Variants in CERS6 observed in about 807,000 individuals in gnomAD.
The protein encoded by CERS6 is LAG1 homolog, ceramide synthase 6.
CERS6 carries 26 observed loss-of-function variants against 56.8 expected under a neutral mutation model. The ratio of observed to expected loss-of-function variants is 0.46; its 90% CI spans 0.34 to 0.63. The LOEUF is 0.63. Among genes scored for constraint, CERS6 ranks in the 30% least tolerant of loss-of-function variants. The pLI, the probability that CERS6 is intolerant of heterozygous loss-of-function variation, is 0.01. For missense variants in CERS6, 415 were observed against 467.5 expected, an observed-to-expected ratio of 0.89 and a Z score of 1.04; for synonymous variants, 164 against 173.3, an observed-to-expected ratio of 0.95 and a Z score of 0.42.
At chr2:168,736,924 C>G (rs986409129) in intron 8 of CERS6, among the ~76,000 whole-genome samples, 4 of 152,174 alleles carry the variant, frequency 2.6e-5, no homozygotes, top group Admixed American at 2.6e-4. Flanking sequence ...CTCTTAGGCT[C>G]TCTCGCCTCT....
At chr2:168,638,901 G>A (rs902982611) in intron 4 of CERS6, among the ~76,000 whole-genome samples, 1 of 152,142 alleles carries the variant, frequency 6.6e-6, no homozygotes, top group Admixed American at 6.5e-5. Flanking sequence ...AACTCCAAGA[G>A]CAAATGGTGG....
At chr2:168,695,399 A>C (rs1021943263) in intron 6 of CERS6, among the ~76,000 whole-genome samples, 1 of 152,110 alleles carries the variant, frequency 6.6e-6, no homozygotes, top group African/African-American at 2.4e-5. Flanking sequence ...GGAGAGAGTA[A>C]AGTCTCAGTG....
intron 3 of CERS6, among the ~76,000 whole-genome samples, chr2:168,626,308 C>CG (rs1684589659): frequency 6.6e-6 from 1 of 152,092 alleles, no homozygotes; most frequent in Non-Finnish European, 1.5e-5. Flanking sequence ...CCTGGTCTCC[C>CG]TAGAACATGT....
intron 8 of CERS6, among the ~76,000 whole-genome samples, chr2:168,745,787 G>A (rs997057334): frequency 6.6e-6 from 1 of 152,162 alleles, no homozygotes; most frequent in African/African-American, 2.4e-5. Context: ...GTCCTCCCCA[G>A]AATGTGGCGC....
intron 3 of CERS6, among the ~76,000 whole-genome samples, chr2:168,613,766 C>T (rs1421436007): frequency 6.6e-6 from 1 of 152,078 alleles, no homozygotes; most frequent in Non-Finnish European, 1.5e-5. Context: ...TATGTAATAC[C>T]ATGTAATAGT....
intron 4 of CERS6, among the ~76,000 whole-genome samples, chr2:168,634,972 T>C (rs923203246): frequency 2.6e-5 from 4 of 152,212 alleles, no homozygotes; most frequent in Non-Finnish European, 5.9e-5. Context: ...TGCACCTGAA[T>C]GTAAAGCAGC....
chr2:168,609,905 G>A (rs574722592), intron 3 of CERS6, among the ~76,000 whole-genome samples: 1 of 151,144 alleles, frequency 6.6e-6, no homozygotes, highest in East Asian at 1.9e-4. Flanking sequence ...ACTAGGGCAG[G>A]TTGACCTTGA....
intron 1 of CERS6, among the ~76,000 whole-genome samples, chr2:168,535,486 C>T (rs1454848170): frequency 6.6e-6 from 1 of 152,090 alleles, no homozygotes; most frequent in Non-Finnish European, 1.5e-5. Context: ...CCATACCACA[C>T]TGCGCTTCCT....
At chr2:168,604,439 T>G (rs555564614) in intron 3 of CERS6, among the ~76,000 whole-genome samples, 1 of 151,348 alleles carries the variant, frequency 6.6e-6, no homozygotes, top group African/African-American at 2.4e-5. Context: ...CTAGGGTCAG[T>G]CAATCAAATC....
chr2:168,760,770 T>A (rs1055920874), intron 8 of CERS6, among the ~76,000 whole-genome samples: 9 of 135,906 alleles, frequency 6.6e-5, no homozygotes, highest in South Asian at 4.3e-4. Flanking sequence ...TTATTTATTT[T>A]TTTGAGACGG....
At chr2:168,460,867 C>A (rs1186387692) in intron 1 of CERS6, among the ~76,000 whole-genome samples, 1 of 152,138 alleles carries the variant, frequency 6.6e-6, no homozygotes, top group Non-Finnish European at 1.5e-5. Flanking sequence ...CCCAAACCTT[C>A]AAGAAACGAC....
chr2:168,543,254 T>C (rs917901251), intron 1 of CERS6, among the ~76,000 whole-genome samples: 2 of 152,222 alleles, frequency 1.3e-5, no homozygotes, highest in Non-Finnish European at 2.9e-5. Context: ...GAAGGTGGTG[T>C]TGCCGCCTTT....
chr2:168,637,975 A>G (rs1272359458), intron 4 of CERS6, among the ~76,000 whole-genome samples: 1 of 152,226 alleles, frequency 6.6e-6, no homozygotes, highest in Non-Finnish European at 1.5e-5. Context: ...TCATAAAAGA[A>G]CATGAGGTTG....
chr2:168,674,573 A>G (rs1686006491), intron 4 of CERS6, among the ~76,000 whole-genome samples: 1 of 152,236 alleles, frequency 6.6e-6, no homozygotes, highest in Non-Finnish European at 1.5e-5. Flanking sequence ...TATTTGAAGG[A>G]ACTTACATCT....
Position 168,627,364 on chromosome 2 carries a change from A to AG in CERS6, c.408-3619dup. Among the ~76,000 whole-genome samples the AG allele has an allele frequency of 2.6e-5, 4 of 152,328 alleles. No individual in the cohort carries two copies. The East Asian group carries it at 5.8e-4, about 22-fold the overall frequency. ...TGTTTGTATATTGGTGGGTCAGAAT[A>AG]GGCTGAAGTAATTTTTTCATAAAGG... On this transcript the variant is annotated intron_variant, in intron 3 of 9. Coordinates refer to ENST00000305747, the MANE Select transcript of CERS6 (RefSeq NM_203463.3).
chr2:168,641,539 C>T (rs929682868), intron 4 of CERS6, among the ~76,000 whole-genome samples: 4 of 152,112 alleles, frequency 2.6e-5, no homozygotes, highest in African/African-American at 9.7e-5. Flanking sequence ...CCGTCCTCAC[C>T]TTTACCTAAA....
chr2:168,568,012 C>T (rs1056815005), intron 3 of CERS6, among the ~76,000 whole-genome samples: 6 of 152,180 alleles, frequency 3.9e-5, no homozygotes, highest in Admixed American at 2.0e-4. Flanking sequence ...CATCTGTGGC[C>T]GGTGAACTCA....
rs1695466833 is a variant in CERS6, at chr2:168,546,397, G to A, written c.171-1199G>A. On this transcript the variant is annotated intron_variant, in intron 1 of 9. Coordinates refer to ENST00000305747, the MANE Select transcript of CERS6 (RefSeq NM_203463.3). ...AGCCCAGTGTACCAGGTATTACGGT[G>A]CATTTTCTCTGTCTTATCTTTCCTG... Among the ~76,000 whole-genome samples the A allele has an allele frequency of 2.0e-5, 3 of 152,196 alleles. No individual in the cohort carries two copies. In the South Asian group the frequency reaches 6.2e-4, roughly 31 times the overall value.
chr2:168,473,124 A>G (rs1266032414), intron 1 of CERS6, among the ~76,000 whole-genome samples: 1 of 151,992 alleles, frequency 6.6e-6, no homozygotes, highest in East Asian at 1.9e-4. Flanking sequence ...AGTTATACAT[A>G]TGTTAGATTT....
Sources: gnomAD v4.1 joint callset for allele counts (sites outside exome capture counted in the v4.1 genomes callset) on GRCh38, gnomAD v4.1.1 for gene constraint, MANE v1.5 for transcripts, NCBI Gene and HGNC (gene_info 2026-07-23, HGNC 2026-07-21) for gene names.